RAPGEF3: variants seen among roughly 807,000 people sequenced by gnomAD.
The protein encoded by RAPGEF3 is Rap guanine nucleotide exchange factor 3.
In RAPGEF3, 103 loss-of-function variants were observed where a neutral mutation model predicts 129.8. That is an observed-to-expected ratio of 0.79 (90% CI 0.68 to 0.93). The LOEUF (loss-of-function observed/expected upper bound fraction) is 0.93, where lower values mean the gene tolerates loss of function less well. Among genes scored for constraint, RAPGEF3 ranks in the 40% least tolerant of loss-of-function variants. The pLI, the probability that RAPGEF3 is intolerant of heterozygous loss-of-function variation, is 0.00. For synonymous variants in RAPGEF3, 436 were observed against 482.6 expected (o/e 0.90, Z 1.26); for missense variants, 1,117 against 1,207.4 (o/e 0.93, Z 1.11).
Position 47,751,988 on chromosome 12 carries a change from G to A in RAPGEF3, c.220-19C>T. 1 of 1,613,914 alleles carries A rather than the reference G, an allele frequency of 6.2e-7. No individual in the cohort carries two copies. The highest frequency in any genetic ancestry group is 8.5e-7 in the Non-Finnish European group (1 of 1,179,788). Reference sequence around the variant, plus strand: ...GTGGTGTCTGGGGGCAGCAGGGAAAGCGTGCACATCAGTGTGAGGTCTTCA... The same window carrying A: ...GTGGTGTCTGGGGGCAGCAGGGAAAACGTGCACATCAGTGTGAGGTCTTCA... On this transcript the variant is annotated intron_variant, in intron 2 of 27. Transcript: ENST00000449771.
In RAPGEF3 at chr12:47,751,899, C is replaced by G; in HGVS notation, c.273+17G>C. 6.2e-7 allele frequency: 1 copy of G among 1,614,160 alleles called. No individual in the cohort carries two copies. The highest frequency in any genetic ancestry group is 2.2e-5 in the East Asian group (1 of 44,880). On this transcript the variant is annotated intron_variant, in intron 3 of 27. Transcript: ENST00000449771. ...ATGGTGCTGCCTGTCCCAGCTCCAC[C>G]CTGCCCAGGCTTCTACCTGCTCCAG... is the stretch of plus-strand genomic sequence containing the variant.
chr12:47,743,294 T>C (rs1417375368), intron 18 of RAPGEF3, among the ~76,000 whole-genome samples: 1 of 152,198 alleles, frequency 6.6e-6, no homozygotes, highest in Non-Finnish European at 1.5e-5. Context: ...GACACACAGA[T>C]GGTGAGCTAA....
rs534395573 is a variant in RAPGEF3 at position 47,744,213 on chromosome 12, C to T, written c.1597-145G>A. The T allele has an allele frequency of 8.2e-5, 56 of 679,546 alleles. No individual in the cohort carries two copies. The African/African-American group carries it at 8.7e-4, about 11-fold the overall frequency. The allele number at this position is 679,546 out of a possible 1,614,324, so 42.1% of individuals were successfully genotyped here. A position where few individuals can be genotyped will look rare whatever the true frequency, so the allele number is the denominator to read the frequency against. ...CAGAGGGCTCTGCTTGCCACATTCA[C>T]CTGAGCTCAGGTAAGGCACCTGGGA... On this transcript the variant is annotated intron_variant, in intron 16 of 27. Transcript: ENST00000449771.
At chr12:47,746,729 A>G (rs1941440621) in intron 16 of RAPGEF3, 131 bp downstream of exon 16, 6 of 1,085,238 alleles carry the variant, frequency 5.5e-6, no homozygotes, top group South Asian at 2.7e-5. Flanking sequence ...GTGAACACCT[A>G]TCAGAGACCC....
chr12:47,742,807 TGC>T (rs1941234666), intron 18 of RAPGEF3, among the ~76,000 whole-genome samples: 2 of 152,318 alleles, frequency 1.3e-5, no homozygotes, highest in African/African-American at 4.8e-5. Flanking sequence ...GAGCCTAAGA[TGC>T]CTTCACGGGT....
chr12:47,751,990 G>A lies in RAPGEF3; in HGVS notation c.220-21C>T, dbSNP rs200441426. ...GGTGTCTGGGGGCAGCAGGGAAAGC[G>A]TGCACATCAGTGTGAGGTCTTCAAG... On this transcript the variant is annotated intron_variant, in intron 2 of 27. Coordinates refer to ENST00000449771, the MANE Select transcript of RAPGEF3 (RefSeq NM_001098531.4). 87 of 1,613,510 alleles carry A rather than the reference G, an allele frequency of 5.4e-5. No homozygotes were observed. In the East Asian group the frequency reaches 1.2e-3, roughly 21 times the overall value.
chr12:47,738,738 A>C lies in RAPGEF3; in HGVS notation c.2478T>G (p.His826Gln), dbSNP rs1940951512. ...TCTCCACTAGTGTGTGGTTTCCCTC[A>C]TGAATGAAGGTCATGTCTGCAAAGA... ...PLLLKDMTFI[H>Q]EGNHTLVENL... The change falls in exon 25 of 28, where the codon CAT (histidine) becomes CAG (glutamine). Residue 826 changes from histidine to glutamine, a missense_variant. By Grantham distance (24) the His-to-Gln change is conservative. This residue lies in a region of RAPGEF3 where 643 missense variants were observed against 673.4 expected (regional missense o/e 0.95). Transcript: ENST00000449771. 1 of 1,610,702 alleles carries C rather than the reference A, an allele frequency of 6.2e-7. No homozygotes were observed. The highest frequency in any genetic ancestry group is 8.5e-7 in the Non-Finnish European group (1 of 1,176,892).
chr12:47,747,961 G>C, intron 13 of RAPGEF3, 99 bp from the exon 14 acceptor site: 2 of 1,580,920 alleles, frequency 1.3e-6, no homozygotes, highest in Non-Finnish European at 1.7e-6. Context: ...GCTGGGCCTG[G>C]CAGCAGGCTG....
chr12:47,748,280 C>T, intron 12 of RAPGEF3, 128 bp from the exon 13 acceptor site: 1 of 983,268 alleles, frequency 1.0e-6, no homozygotes, highest in Non-Finnish European at 1.5e-6. Context: ...GTGTCCAGCC[C>T]CTGTGATAGT....
chr12:47,755,673 C>T (rs141628519), intron 2 of RAPGEF3: 3 of 152,328 alleles, frequency 2.0e-5, no homozygotes, highest in Non-Finnish European at 2.9e-5. Context: ...TACTGTAACC[C>T]GCTTTCATTT....
rs1941093058 is a variant in RAPGEF3 at position 47,740,662 on chromosome 12, CT to C, written c.2210del (p.Lys737SerfsTer33). 1 of 1,613,616 alleles carries C rather than the reference CT, an allele frequency of 6.2e-7. No individual in the cohort carries two copies. Among genetic ancestry groups the C allele is most frequent in the South Asian group, 1.1e-5 (1 of 91,078 alleles). ...CTCACTGGGCCGCCAGCTTAATGAA[CT>C]TCCTGAGCAGCTGGGCCCGGGGGCC... ...VPGPRAQLLR[K>X]FIKLAAHLKE... On this transcript the variant is annotated frameshift_variant, in exon 21 of 28. Transcript: ENST00000449771. LOFTEE classifies it high-confidence loss of function.
chr12:47,748,070 A>T lies in RAPGEF3; in HGVS notation c.1322+4T>A, dbSNP rs1410477996. The T allele has an allele frequency of 6.3e-7, 1 of 1,578,704 alleles. No homozygotes were observed. The highest frequency in any genetic ancestry group is 1.1e-5 in the South Asian group (1 of 86,970). ...ACACCATCCCCCTGGAGCTGGAAGG[A>T]TATTGGTGCAGAAGGGCAGCGCAGA... On this transcript the variant is annotated splice_donor_region_variant and intron_variant, in intron 13 of 27. Transcript: ENST00000449771.
Position 47,749,508 on chromosome 12 carries a change from T to C in RAPGEF3, c.923A>G (p.Asp308Gly), listed in dbSNP as rs1429320962. 1 of 1,611,506 alleles carries C rather than the reference T, an allele frequency of 6.2e-7. No homozygotes were observed. Among genetic ancestry groups the C allele is most frequent in the Non-Finnish European group, 8.5e-7 (1 of 1,179,980 alleles). ...CACCAGAGCCAGCTGTCCAAAATCATCTCCCTCATGCAGGGTGGTCACCAG... is the reference window on the plus strand; with the variant it reads ...CACCAGAGCCAGCTGTCCAAAATCACCTCCCTCATGCAGGGTGGTCACCAG... Reference protein sequence around the residue: ...KGLVTTLHEGDDFGQLALVND... With the variant: ...KGLVTTLHEGGDFGQLALVND... The change falls in exon 10 of 28, where the codon GAT becomes GGT. Residue 308 changes from aspartate (D) to glycine (G), a missense_variant. By Grantham distance (94) the Asp-to-Gly change is moderately conservative. Transcript: ENST00000449771. This position sits in a 1 kb window ranked among gnomAD's most constrained non-coding sequence, Gnocchi z 4.5.
At position 47,748,023 on chromosome 12, in the gene RAPGEF3, A is replaced by G. The variant is rs1012375649; in HGVS notation, c.1322+51T>C. 4.5e-6 allele frequency: 7 copies of G among 1,546,642 alleles called. No individual in the cohort carries two copies. The African/African-American group carries it at 6.8e-5, about 15-fold the overall frequency. ...GCTGGTGAGATTTTCTCTCAACCCC[A>G]CGCACCATCCTATCCCCATGCACAC... On this transcript the variant is annotated intron_variant, in intron 13 of 27. Coordinates refer to ENST00000449771, the MANE Select transcript of RAPGEF3 (RefSeq NM_001098531.4).
chr12:47,741,792 A>G, intron 18 of RAPGEF3, 190 bp from the exon 19 acceptor site: 5 of 598,144 alleles, frequency 8.4e-6, no homozygotes, highest in Non-Finnish European at 1.5e-5. Context: ...AGGGAAGCAC[A>G]TCCAAGAGGA....
In RAPGEF3 at chr12:47,743,613, G is replaced by A; in HGVS notation, c.1742C>T (p.Ser581Phe). 1 of 1,614,056 alleles carries A rather than the reference G, an allele frequency of 6.2e-7. No individual in the cohort carries two copies. Among genetic ancestry groups the A allele is most frequent in the Non-Finnish European group, 8.5e-7 (1 of 1,179,882 alleles). Residue 581 changes from serine (S) to phenylalanine (F), a missense_variant, in exon 18 of 28, where the codon TCC becomes TTC. This residue lies in a region of RAPGEF3 where 643 missense variants were observed against 673.4 expected (regional missense o/e 0.95). Transcript: ENST00000449771. ...VLTLQLPVTASVREVMAALAQ... is the reference protein window; with the variant it reads ...VLTLQLPVTAFVREVMAALAQ... ...CAACGCTGCCATCACCTCTCTCACG[G>A]AGGCTGTCACAGGCAGCTGCAGGGT...
rs1940797573 is a variant in RAPGEF3, at chr12:47,736,291, G to A, written c.*1276C>T. The stretch of plus-strand genomic sequence containing the variant: ...TCCACATCCATGGGGCTGAAGTGCA[G>A]AGGGGCCATACCAGCTGCCTCTGGA... On this transcript the variant is annotated 3_prime_UTR_variant, in exon 28 of 28. Coordinates refer to ENST00000449771, the MANE Select transcript of RAPGEF3 (RefSeq NM_001098531.4). The A allele has an allele frequency of 6.6e-6, 1 of 152,292 alleles. No homozygotes were observed. Among genetic ancestry groups the A allele is most frequent in the Non-Finnish European group, 1.5e-5 (1 of 68,100 alleles). 9.4% of individuals were successfully genotyped at this position (152,292 alleles called of 1,614,324 possible). A position where few individuals can be genotyped will look rare whatever the true frequency, so the allele number is the denominator to read the frequency against.
rs1322288623 is a variant in RAPGEF3 at position 47,735,832 on chromosome 12, A to C, written c.*1735T>G. 1 of 152,432 alleles carries C rather than the reference A, an allele frequency of 6.6e-6. No homozygotes were observed. The highest frequency in any genetic ancestry group is 2.4e-5 in the African/African-American group (1 of 41,412). The allele number at this position is 152,432 out of a possible 1,614,324, so 9.4% of individuals were successfully genotyped here. On this transcript the variant is annotated 3_prime_UTR_variant, in exon 28 of 28. Transcript: ENST00000449771. ...CACCAGCAGACAATGGGTTGGATGA[A>C]AAGAAAGCCCCCGGACTCCTGACTC...
At chr12:47,750,468 C>T (rs1941679135) in intron 6 of RAPGEF3, 43 bp from the exon 7 acceptor site, 2 of 1,551,066 alleles carry the variant, frequency 1.3e-6, no homozygotes, top group South Asian at 1.2e-5. Flanking sequence ...GAACTGTGGG[C>T]CCGTCAGGTG....
Sources: gnomAD v4.1 joint callset for allele counts (sites outside exome capture counted in the v4.1 genomes callset) on GRCh38, gnomAD v4.1.1 for gene constraint, gnomAD v4.1.1 regional missense constraint, Gnocchi (gnomAD v3.1) non-coding constraint, MANE v1.5 for transcripts, NCBI Gene and HGNC (gene_info 2026-07-23, HGNC 2026-07-21) for gene names.